The following TBC1D5 variants were observed in gnomAD, a reference collection of about 807,000 sequenced individuals.
The protein encoded by TBC1D5 is TBC1 domain family member 5, also known as TBC1 domain family, member 5.
Under a neutral mutation model 100.3 loss-of-function variants are expected in TBC1D5, and 75 were observed. The observed-to-expected ratio is 0.75, with a 90% CI of 0.62 to 0.91. The LOEUF is 0.91. Ranked by LOEUF, TBC1D5 falls within the 40% of genes least tolerant of loss-of-function variation. The pLI is 0.00. For synonymous variants in TBC1D5, 323 were observed against 325.6 expected (o/e 0.99, Z 0.09); for missense variants, 910 against 942.4 (o/e 0.97, Z 0.45).
intron 16 of TBC1D5, among the ~76,000 whole-genome samples, chr3:17,251,044 C>A (rs538587402): frequency 6.6e-6 from 1 of 152,192 alleles, no homozygotes; most frequent in African/African-American, 2.4e-5. Flanking sequence ...AATGAGCAAG[C>A]ACTGGTAAAA....
chr3:17,303,051 T>C (rs977756327), intron 14 of TBC1D5, among the ~76,000 whole-genome samples: 1 of 152,200 alleles, frequency 6.6e-6, no homozygotes, highest in Non-Finnish European at 1.5e-5. Flanking sequence ...TAAGCTCATC[T>C]AATTAGTCCT....
intron 21 of TBC1D5, among the ~76,000 whole-genome samples, chr3:17,165,815 T>C (rs751752567): frequency 2.6e-5 from 4 of 152,218 alleles, no homozygotes; most frequent in Non-Finnish European, 5.9e-5. Context: ...AATCTTTTCG[T>C]CTTATCGGAT....
chr3:17,244,559 C>T (rs564923133), intron 16 of TBC1D5, among the ~76,000 whole-genome samples: 4 of 151,956 alleles, frequency 2.6e-5, no homozygotes, highest in Non-Finnish European at 5.9e-5. Flanking sequence ...TTCTTTCTAT[C>T]ATTTTCTCAA....
intron 2 of TBC1D5, among the ~76,000 whole-genome samples, chr3:17,533,251 C>T (rs76060279): frequency 0.069 from 10,506 of 152,250 alleles, 711 homozygotes; most frequent in African/African-American, 0.18. Flanking sequence ...AGTTCTACTT[C>T]ATTTGACCAT....
chr3:17,375,421 G>T (rs977459208), intron 10 of TBC1D5, among the ~76,000 whole-genome samples: 1 of 151,980 alleles, frequency 6.6e-6, no homozygotes, highest in Non-Finnish European at 1.5e-5. Context: ...ACAAAAATTA[G>T]CTGGGCGAGG....
intron 2 of TBC1D5, among the ~76,000 whole-genome samples, chr3:17,521,655 T>C (rs1446392919): frequency 6.6e-6 from 1 of 152,100 alleles, no homozygotes; most frequent in Non-Finnish European, 1.5e-5. Context: ...AAGTGCATAA[T>C]TTGGGGGGGG....
chr3:17,320,557 A>G (rs934445400), intron 13 of TBC1D5, among the ~76,000 whole-genome samples: 2 of 152,230 alleles, frequency 1.3e-5, no homozygotes, highest in Non-Finnish European at 2.9e-5. Flanking sequence ...TCCCAGAAAG[A>G]AATTTTATTG....
chr3:17,424,015 T>A (rs2094280576), intron 4 of TBC1D5, among the ~76,000 whole-genome samples: 1 of 151,756 alleles, frequency 6.6e-6, no homozygotes, highest in South Asian at 2.1e-4. Flanking sequence ...TTTTCTATAT[T>A]GGGAATTATG....
At chr3:17,331,376 A>C (rs754773191) in intron 13 of TBC1D5, among the ~76,000 whole-genome samples, 7 of 152,186 alleles carry the variant, frequency 4.6e-5, no homozygotes, top group Non-Finnish European at 1.0e-4. Context: ...TTGATAATAC[A>C]CAATATATGA....
rs559886588 is a variant in TBC1D5 at position 17,587,375 on chromosome 3, T to C, written c.-36+36474A>G. On this transcript the variant is annotated intron_variant, in intron 2 of 21. Transcript: ENST00000253692. ...GTGGCTTAGCACACATATAAAAAGA[T>C]AGCAGCAGTTAGCTAATATAATGTA... 5.3e-5 allele frequency among the ~76,000 whole-genome samples: 8 copies of C among 152,144 alleles called. No individual in the cohort carries two copies. The South Asian group carries it at 1.2e-3, about 24-fold the overall frequency.
intron 2 of TBC1D5, among the ~76,000 whole-genome samples, chr3:17,595,769 A>G (rs1576917364): frequency 6.6e-6 from 1 of 152,286 alleles, no homozygotes; most frequent in South Asian, 2.1e-4. Flanking sequence ...AAAAAGTAGG[A>G]CGGCATGTGT....
intron 2 of TBC1D5, among the ~76,000 whole-genome samples, chr3:17,527,250 C>A (rs1207973870): frequency 1.3e-5 from 2 of 152,128 alleles, no homozygotes; most frequent in East Asian, 3.8e-4. Context: ...TCTTAGGAAG[C>A]ACCTCTGAAG....
intron 2 of TBC1D5, among the ~76,000 whole-genome samples, chr3:17,604,847 G>T (rs2061236284): frequency 6.6e-6 from 1 of 151,680 alleles, no homozygotes; most frequent in Non-Finnish European, 1.5e-5. Flanking sequence ...GGTAATTTTT[G>T]GTATTTTTAG....
chr3:17,335,838 A>G (rs2087674786), intron 13 of TBC1D5, among the ~76,000 whole-genome samples: 1 of 152,146 alleles, frequency 6.6e-6, no homozygotes, highest in South Asian at 2.1e-4. Flanking sequence ...ATTCATAATT[A>G]CTGGAGGTCT....
intron 13 of TBC1D5, among the ~76,000 whole-genome samples, chr3:17,367,837 C>G (rs749946318): frequency 6.6e-6 from 1 of 150,746 alleles, no homozygotes; most frequent in Non-Finnish European, 1.5e-5. Context: ...CCAGCCTAGG[C>G]AACAGAGCAA....
At chr3:17,346,814 T>G (rs1194469302) in intron 13 of TBC1D5, among the ~76,000 whole-genome samples, 1 of 152,220 alleles carries the variant, frequency 6.6e-6, no homozygotes, top group Non-Finnish European at 1.5e-5. Flanking sequence ...ATAAATTATG[T>G]CAACACTATT....
intron 3 of TBC1D5, among the ~76,000 whole-genome samples, chr3:17,439,304 T>C (rs939660808): frequency 6.6e-6 from 1 of 152,194 alleles, no homozygotes. Flanking sequence ...TAAATTATCA[T>C]TGTGAACCAG....
intron 8 of TBC1D5, among the ~76,000 whole-genome samples, chr3:17,392,250 A>G (rs2093371712): frequency 6.6e-6 from 1 of 152,040 alleles, no homozygotes. Flanking sequence ...ATAAAATTGA[A>G]TTTACTAAGT....
chr3:17,220,087 C>G (rs2074109778), intron 17 of TBC1D5, among the ~76,000 whole-genome samples: 1 of 152,120 alleles, frequency 6.6e-6, no homozygotes, highest in Non-Finnish European at 1.5e-5. Context: ...TAATGTTTAG[C>G]TGTTCCAAAC....
Sources: gnomAD v4.1 joint callset for allele counts (sites outside exome capture counted in the v4.1 genomes callset) on GRCh38, gnomAD v4.1.1 for gene constraint, MANE v1.5 for transcripts, NCBI Gene and HGNC (gene_info 2026-07-23, HGNC 2026-07-21) for gene names.